The following ESRRB variants were observed in gnomAD, a reference collection of about 807,000 sequenced individuals.
The protein encoded by ESRRB is steroid hormone receptor ERR2.
ESRRB carries 16 observed loss-of-function variants against 46.0 expected under a neutral mutation model. That is an observed-to-expected ratio of 0.35 (90% CI 0.24 to 0.53). The LOEUF is 0.53. ESRRB is among the 20% of genes least tolerant of loss of function. The pLI, the probability that ESRRB is intolerant of heterozygous loss-of-function variation, is 0.93. For missense variants in ESRRB, 488 were observed against 607.4 expected (o/e 0.80, Z 2.07); for synonymous variants, 246 against 259.6 (o/e 0.95, Z 0.50).
intron 5 of ESRRB, among the ~76,000 whole-genome samples, chr14:76,483,340 G>A (rs933472029): frequency 6.6e-6 from 1 of 152,236 alleles, no homozygotes; most frequent in Admixed American, 6.5e-5. Flanking sequence ...TGTGTGTGAA[G>A]TGTTCGGCAC....
chr14:76,478,677 G>A (rs1889679874), intron 3 of ESRRB, among the ~76,000 whole-genome samples: 1 of 151,960 alleles, frequency 6.6e-6, no homozygotes, highest in Non-Finnish European at 1.5e-5. Flanking sequence ...TTTCACTTTC[G>A]GTCCTGTCAC....
At chr14:76,433,533 C>T (rs1887543151) in intron 1 of ESRRB, among the ~76,000 whole-genome samples, 1 of 152,176 alleles carries the variant, frequency 6.6e-6, no homozygotes, top group African/African-American at 2.4e-5. Flanking sequence ...CAAAACATTC[C>T]TTCCCCACGT....
chr14:76,404,363 A>G (rs1335571777), intron 1 of ESRRB: 1 of 149,484 alleles, frequency 6.7e-6, no homozygotes, highest in Non-Finnish European at 1.5e-5. Flanking sequence ...ATAATATTAT[A>G]TAATATAATT....
intron 1 of ESRRB, among the ~76,000 whole-genome samples, chr14:76,356,888 T>C (rs935752498): frequency 1.3e-5 from 2 of 152,228 alleles, no homozygotes; most frequent in Non-Finnish European, 2.9e-5. Context: ...CTGTCCCCCA[T>C]GATTTCCATC....
intron 1 of ESRRB, among the ~76,000 whole-genome samples, chr14:76,360,264 G>C (rs1274214363): frequency 6.6e-6 from 1 of 152,198 alleles, no homozygotes; most frequent in Admixed American, 6.5e-5. Context: ...GGCACATCCT[G>C]GTACAGCCAT....
intron 2 of ESRRB, among the ~76,000 whole-genome samples, chr14:76,445,441 G>A (rs565147022): frequency 2.1e-5 from 3 of 140,554 alleles, no homozygotes; most frequent in Non-Finnish European, 4.6e-5. Context: ...ACTCCAGCCT[G>A]GGCAACAAAA....
chr14:76,324,214 A>G (rs1018232973), intron 1 of ESRRB, among the ~76,000 whole-genome samples: 14 of 152,192 alleles, frequency 9.2e-5, no homozygotes, highest in Non-Finnish European at 1.6e-4. Context: ...ATCCAGGAGC[A>G]TAAATGACGC....
chr14:76,388,610 A>G (rs1885341748), intron 1 of ESRRB, among the ~76,000 whole-genome samples: 1 of 152,138 alleles, frequency 6.6e-6, no homozygotes. Context: ...GAAAAAAATA[A>G]GGTGGAAGAA....
intron 2 of ESRRB, among the ~76,000 whole-genome samples, chr14:76,454,931 AG>A (rs1457653934): frequency 7.5e-6 from 1 of 133,246 alleles, no homozygotes; most frequent in African/African-American, 2.8e-5. Context: ...AGGCCAAGGC[AG>A]GCAGATCACC....
chr14:76,377,458 G>T (rs1007092793), intron 1 of ESRRB, among the ~76,000 whole-genome samples: 10 of 152,196 alleles, frequency 6.6e-5, no homozygotes, highest in Non-Finnish European at 1.3e-4. Context: ...CGCCCCCGGC[G>T]GGTGTCCCGG....
intron 1 of ESRRB, among the ~76,000 whole-genome samples, chr14:76,325,488 A>G (rs2139731112): frequency 6.6e-6 from 1 of 152,222 alleles, no homozygotes; most frequent in East Asian, 1.9e-4. Flanking sequence ...GGAAACTTAT[A>G]TTGCTGAAGG....
At chr14:76,358,311 CA>C (rs1191247686) in intron 1 of ESRRB, among the ~76,000 whole-genome samples, 25 of 23,114 alleles carry the variant, frequency 1.1e-3, no homozygotes, top group South Asian at 1.7e-3. Context: ...GACTCTGTCT[CA>C]AAAAAAAAAA....
intron 6 of ESRRB, among the ~76,000 whole-genome samples, chr14:76,497,073 G>A (rs1350762994): frequency 6.6e-6 from 1 of 152,180 alleles, no homozygotes; most frequent in East Asian, 1.9e-4. Flanking sequence ...GGATGGAGAG[G>A]GCGGGGAGAG....
intron 1 of ESRRB, among the ~76,000 whole-genome samples, chr14:76,348,336 G>A (rs533194046): frequency 6.6e-6 from 1 of 152,310 alleles, no homozygotes; most frequent in African/African-American, 2.4e-5. Context: ...AGACTTGCAA[G>A]AGGCTGTACT....
intron 2 of ESRRB, among the ~76,000 whole-genome samples, chr14:76,443,415 C>A (rs1345016154): frequency 6.6e-6 from 1 of 152,200 alleles, no homozygotes; most frequent in Non-Finnish European, 1.5e-5. Context: ...TTGAAAAGCA[C>A]TGCATGGTGA....
At chr14:76,481,282 G>A (rs1023787150) in intron 3 of ESRRB, among the ~76,000 whole-genome samples, 6 of 152,242 alleles carry the variant, frequency 3.9e-5, no homozygotes, top group African/African-American at 1.4e-4. Flanking sequence ...CAGGCAGCAG[G>A]AGCTGTGGGT....
chr14:76,326,200 G>A (rs1471155319), intron 1 of ESRRB, among the ~76,000 whole-genome samples: 1 of 152,028 alleles, frequency 6.6e-6, no homozygotes, highest in East Asian at 1.9e-4. Context: ...TTTAACACTT[G>A]CTCTGTGCTG....
Position 76,498,991 on chromosome 14 carries a change from A to G in ESRRB, c.*533A>G, listed in dbSNP as rs1890551716. The G allele has an allele frequency of 2.6e-6, 1 of 388,066 alleles. No homozygotes were observed. Among genetic ancestry groups the G allele is most frequent in the Admixed American group, 3.4e-5 (1 of 29,792 alleles). 24.0% of individuals were successfully genotyped at this position (388,066 alleles called of 1,614,324 possible). The stretch of plus-strand genomic sequence containing the variant: ...CCTCTGGGGCCGGTCAAGAGGCCCC[A>G]TACCTTCCACAGTTTCCACTCAGCT... On this transcript the variant is annotated 3_prime_UTR_variant, in exon 7 of 7. Coordinates refer to ENST00000644823, the MANE Select transcript of ESRRB (RefSeq NM_001379180.1).
At chr14:76,410,091 G>A (rs573273060) in intron 1 of ESRRB, among the ~76,000 whole-genome samples, 5 of 152,230 alleles carry the variant, frequency 3.3e-5, no homozygotes, top group African/African-American at 1.2e-4. Context: ...AGGCATGGTG[G>A]CACACGCCTG....
Sources: gnomAD v4.1 joint callset for allele counts (sites outside exome capture counted in the v4.1 genomes callset) on GRCh38, gnomAD v4.1.1 for gene constraint, MANE v1.5 for transcripts, NCBI Gene and HGNC (gene_info 2026-07-23, HGNC 2026-07-21) for gene names.